The following EIF4E3 variants were observed in gnomAD, a reference collection of about 807,000 sequenced individuals.
The protein encoded by EIF4E3 is eukaryotic translation initiation factor 4E type 3.
In EIF4E3, 26 loss-of-function variants were observed where a neutral mutation model predicts 31.7. That is an observed-to-expected ratio of 0.82 (90% CI 0.60 to 1.14). The LOEUF (loss-of-function observed/expected upper bound fraction) is 1.14, where lower values mean the gene tolerates loss of function less well. EIF4E3 is among the 50% of genes most tolerant of loss of function. EIF4E3 has a pLI of 0.00. For missense variants in EIF4E3, 304 were observed against 270.9 expected (o/e 1.12, Z -0.86); for synonymous variants, 128 against 107.7 (o/e 1.19, Z -1.17).
chr3:71,704,429 C>T (rs950239748), intron 2 of EIF4E3, among the ~76,000 whole-genome samples: 4 of 152,200 alleles, frequency 2.6e-5, no homozygotes, highest in Non-Finnish European at 4.4e-5. Flanking sequence ...AGCAACATGG[C>T]GGTCAGGTCT....
downstream of EIF4E3, among the ~76,000 whole-genome samples, chr3:71,672,227 G>A (rs768024543): frequency 2.6e-5 from 4 of 151,912 alleles, no homozygotes; most frequent in African/African-American, 4.8e-5. Context: ...AGATATCACC[G>A]GGCGATTTTT....
At chr3:71,671,437 G>T (rs999481290), downstream of EIF4E3, among the ~76,000 whole-genome samples, 1 of 152,150 alleles carries the variant, frequency 6.6e-6, no homozygotes. Context: ...CAGGGGGAGG[G>T]CTAACTCTCG....
At chr3:71,743,835 G>C (rs904445505) in intron 1 of EIF4E3, among the ~76,000 whole-genome samples, 1 of 152,002 alleles carries the variant, frequency 6.6e-6, no homozygotes, top group Non-Finnish European at 1.5e-5. Context: ...TTTTGACAAA[G>C]GTGCAGTAAG....
At position 71,685,196 on chromosome 3, in the gene EIF4E3, T is replaced by C. The variant is rs111308536; in HGVS notation, c.629-468A>G. Among the ~76,000 whole-genome samples the C allele has an allele frequency of 6.0e-3, 906 of 152,158 alleles. 12 individuals carry two copies. The highest frequency in any genetic ancestry group is 0.02 in the African/African-American group (840 of 41,498). ...AACCACACCAGGGTGACAGCAATTA[T>C]ATCTAGGTGCCCCTGCTCCCTACCT... is the stretch of plus-strand genomic sequence containing the variant. On this transcript the variant is annotated intron_variant, in intron 6 of 6. Transcript: ENST00000425534.
At chr3:71,716,094 C>T (rs1487493277) in intron 1 of EIF4E3, among the ~76,000 whole-genome samples, 1 of 152,208 alleles carries the variant, frequency 6.6e-6, no homozygotes. Context: ...CACCATATAT[C>T]TAGCCACACT....
At position 71,683,324 on chromosome 3, in the gene EIF4E3, T is replaced by C. The variant is rs747807909; in HGVS notation, c.*1358A>G. Reference sequence around the variant, plus strand: ...AAAAATCCCAGGTACAGTGAAGTTCTGAGTGCACTGCCCTTTTGAAAAATG... The same window carrying C: ...AAAAATCCCAGGTACAGTGAAGTTCCGAGTGCACTGCCCTTTTGAAAAATG... On this transcript the variant is annotated 3_prime_UTR_variant, in exon 7 of 7. Transcript: ENST00000425534. 2.0e-5 allele frequency: 3 copies of C among 152,232 alleles called. No individual in the cohort carries two copies. The highest frequency in any genetic ancestry group is 4.4e-5 in the Non-Finnish European group (3 of 68,038). 9.4% of individuals were successfully genotyped at this position (152,232 alleles called of 1,614,324 possible).
At chr3:71,743,093 T>C (rs755982327) in intron 1 of EIF4E3, among the ~76,000 whole-genome samples, 11 of 152,106 alleles carry the variant, frequency 7.2e-5, no homozygotes, top group Non-Finnish European at 1.2e-4. Flanking sequence ...AAGAGACCAA[T>C]AAGGTTAGCT....
intron 1 of EIF4E3, among the ~76,000 whole-genome samples, chr3:71,731,493 G>T (rs116849106): frequency 6.6e-6 from 1 of 151,972 alleles, no homozygotes; most frequent in African/African-American, 2.4e-5. Flanking sequence ...ATCAACTGCC[G>T]ATCTTCCGAA....
chr3:71,742,975 A>T (rs1367305905), intron 1 of EIF4E3, among the ~76,000 whole-genome samples: 2 of 152,174 alleles, frequency 1.3e-5, no homozygotes, highest in Non-Finnish European at 2.9e-5. Context: ...ACCTCTCAGC[A>T]AAGTAGGAAT....
upstream of EIF4E3, among the ~76,000 whole-genome samples, chr3:71,753,776 G>A (rs2049965136): frequency 6.7e-6 from 1 of 148,606 alleles, no homozygotes; most frequent in African/African-American, 2.4e-5. Context: ...GGGGGCTGCG[G>A]ACGGTGGCGA....
chr3:71,718,149 G>A (rs991966117), intron 1 of EIF4E3, among the ~76,000 whole-genome samples: 7 of 152,274 alleles, frequency 4.6e-5, no homozygotes, highest in East Asian at 1.9e-4. Context: ...TTACAACATC[G>A]GGCTCAGCTG....
rs2048908802 is a variant in EIF4E3 at position 71,680,333 on chromosome 3, T to G, written c.*4349A>C. 6.6e-6 allele frequency: 1 copy of G among 152,180 alleles called. No individual in the cohort carries two copies. The highest frequency in any genetic ancestry group is 2.1e-4 in the South Asian group (1 of 4,826). The allele number at this position is 152,180 out of a possible 1,614,324, so 9.4% of individuals were successfully genotyped here. A position where few individuals can be genotyped will look rare whatever the true frequency, so the allele number is the denominator to read the frequency against. On this transcript the variant is annotated 3_prime_UTR_variant, in exon 7 of 7. Transcript: ENST00000425534. ...TGCAGATATCCTCCCAGATTTCTAG[T>G]GCTGGGGTCAAGAAATGTGAATAAT...
At chr3:71,715,440 C>G (rs888776749) in intron 1 of EIF4E3, among the ~76,000 whole-genome samples, 2 of 152,202 alleles carry the variant, frequency 1.3e-5, no homozygotes, top group African/African-American at 4.8e-5. Context: ...TCCCCAGGCT[C>G]CCAAAGACAA....
At chr3:71,723,939 G>A (rs1479106202) in intron 1 of EIF4E3, among the ~76,000 whole-genome samples, 1 of 151,886 alleles carries the variant, frequency 6.6e-6, no homozygotes, top group Admixed American at 6.6e-5. Context: ...TTATAGACGG[G>A]TGCTATAAGA....
rs1416527407 is a variant in EIF4E3, at chr3:71,725,342, G to A, written c.26C>T (p.Pro9Leu). The A allele has an allele frequency of 1.0e-5, 10 of 973,616 alleles. No individual in the cohort carries two copies. Among genetic ancestry groups the A allele is most frequent in the Non-Finnish European group, 1.2e-5 (10 of 821,878 alleles). 60.3% of individuals were successfully genotyped at this position (973,616 alleles called of 1,614,324 possible). A position where few individuals can be genotyped will look rare whatever the true frequency, so the allele number is the denominator to read the frequency against. Residue 9 changes from proline to leucine, a missense_variant, in exon 1 of 7, where the codon CCC becomes CTC. Coordinates refer to ENST00000425534, the MANE Select transcript of EIF4E3 (RefSeq NM_001134651.2). The surrounding 1 kb of genome is among the most constrained non-coding windows in gnomAD (Gnocchi z 6.1). MALPPAAA[P>L]PAGAREPPGS... ...CGGCGGCTCCCGGGCCCCGGCGGGGGGCGCGGCGGCCGGGGGCAGCGCCAT... is the reference window on the plus strand; with the variant it reads ...CGGCGGCTCCCGGGCCCCGGCGGGGAGCGCGGCGGCCGGGGGCAGCGCCAT...
downstream of EIF4E3, among the ~76,000 whole-genome samples, chr3:71,674,047 A>C (rs1328176444): frequency 1.5e-5 from 2 of 134,876 alleles, no homozygotes; most frequent in African/African-American, 5.5e-5. Context: ...CTTATGCTTC[A>C]GTGAGAATTT....
chr3:71,668,103 A>T, the EIF4E3 span, among the ~76,000 whole-genome samples: 1 of 152,170 alleles, frequency 6.6e-6, no homozygotes, highest in South Asian at 2.1e-4. Context: ...AACACCACAC[A>T]TCTATAGCTA....
At chr3:71,732,188 A>G (rs2049713569) in intron 1 of EIF4E3, among the ~76,000 whole-genome samples, 1 of 152,114 alleles carries the variant, frequency 6.6e-6, no homozygotes, top group African/African-American at 2.4e-5. Flanking sequence ...CACCATATGT[A>G]CTCATATCTC....
At chr3:71,716,672 T>G (rs1478537006) in intron 1 of EIF4E3, among the ~76,000 whole-genome samples, 2 of 152,212 alleles carry the variant, frequency 1.3e-5, no homozygotes, top group Non-Finnish European at 2.9e-5. Context: ...AACCCCACTT[T>G]AAAGATAAGC....
Sources: gnomAD v4.1 joint callset for allele counts (sites outside exome capture counted in the v4.1 genomes callset) on GRCh38, gnomAD v4.1.1 for gene constraint, Gnocchi (gnomAD v3.1) non-coding constraint, MANE v1.5 for transcripts, NCBI Gene and HGNC (gene_info 2026-07-23, HGNC 2026-07-21) for gene names.